Variants in AGO3 observed in about 807,000 individuals in gnomAD.
The protein encoded by AGO3 is protein argonaute-3.
A neutral mutation model predicts 105.5 loss-of-function variants in AGO3; 16 were observed. The observed-to-expected ratio is 0.15, with a 90% CI of 0.10 to 0.23. The LOEUF is 0.23. Ranked by LOEUF, AGO3 falls within the 10% of genes least tolerant of loss-of-function variation. The probability of loss-of-function intolerance (pLI) is 1.00; values close to 1 mark genes in which losing one functional copy is unlikely to be tolerated. For missense variants in AGO3, 534 were observed against 1,088.0 expected (o/e 0.49, Z 7.16); for synonymous variants, 340 against 367.3 (o/e 0.93, Z 0.85).
chr1:35,936,038 A>T (rs1646140180), intron 1 of AGO3, among the ~76,000 whole-genome samples: 1 of 152,182 alleles, frequency 6.6e-6, no homozygotes, highest in Non-Finnish European at 1.5e-5. Flanking sequence ...CATTTACCAG[A>T]CATTCCTACC....
intron 12 of AGO3, among the ~76,000 whole-genome samples, chr1:36,032,683 T>A (rs1222915912): frequency 6.6e-6 from 1 of 152,072 alleles, no homozygotes; most frequent in African/African-American, 2.4e-5. Context: ...CCCATTTTTC[T>A]ATGTTTTTTA....
intron 1 of AGO3, among the ~76,000 whole-genome samples, chr1:35,941,995 G>C (rs1646265691): frequency 6.6e-6 from 1 of 152,100 alleles, no homozygotes; most frequent in African/African-American, 2.4e-5. Context: ...TCATTTTTTA[G>C]ATCAGGAAAC....
intron 17 of AGO3, among the ~76,000 whole-genome samples, chr1:36,051,980 G>A (rs994168742): frequency 6.6e-6 from 1 of 152,152 alleles, no homozygotes; most frequent in Non-Finnish European, 1.5e-5. Flanking sequence ...ATGTACATTA[G>A]TACAGCCATT....
intron 1 of AGO3, among the ~76,000 whole-genome samples, chr1:35,938,395 C>G (rs1030817502): frequency 3.3e-5 from 5 of 152,180 alleles, no homozygotes; most frequent in African/African-American, 1.2e-4. Context: ...ATCCTATCCT[C>G]CAGATGAAAC....
Position 36,034,304 on chromosome 1 carries a change from G to A in AGO3, c.1722G>A (p.Gly574=). The A allele has an allele frequency of 1.2e-6, 2 of 1,605,078 alleles. No individual in the cohort carries two copies. The highest frequency in any genetic ancestry group is 1.3e-5 in the African/African-American group (1 of 74,528). Residue 574 remains glycine (G), a synonymous_variant, in exon 13 of 19, where the codon GGG becomes GGA. Coordinates refer to ENST00000373191, the MANE Select transcript of AGO3 (RefSeq NM_024852.4). The part of the protein sequence containing the change: ...LCLKINVKLG[G]INNILVPHQR... ...TAAAGATAAATGTTAAACTCGGAGG[G>A]ATCAATAATATTCTTGTACCTCATC...
Position 36,055,639 on chromosome 1 carries a change from C to G in AGO3, c.2477C>G (p.Ala826Gly). ...GTTCATTGCCACTTCTCTTACAGTGCTGAAGGAAGTCACGTTTCAGGACAA... is the reference window on the plus strand; with the variant it reads ...GTTCATTGCCACTTCTCTTACAGTGGTGAAGGAAGTCACGTTTCAGGACAA... ...YHLVDKEHDS[A>G]EGSHVSGQSN... is the part of the protein sequence containing the mutation. The change falls in exon 19 of 19, where the codon GCT becomes GGT. Residue 826 changes from alanine to glycine, a missense_variant and splice_region_variant. By Grantham distance (60) the Ala-to-Gly change is moderately conservative (BLOSUM62 0). This residue lies in a region of AGO3 where 373 missense variants were observed against 854.0 expected (regional missense o/e 0.44). Transcript: ENST00000373191. The surrounding 1 kb of genome is among the most constrained non-coding windows in gnomAD (Gnocchi z 4.4). 6.2e-7 allele frequency: 1 copy of G among 1,613,944 alleles called. No homozygotes were observed. The highest frequency in any genetic ancestry group is 2.2e-5 in the East Asian group (1 of 44,880).
chr1:36,001,064 CG>C (rs1557676477), intron 5 of AGO3, among the ~76,000 whole-genome samples: 1 of 151,862 alleles, frequency 6.6e-6, no homozygotes, highest in Non-Finnish European at 1.5e-5. Flanking sequence ...GGTGAAACCC[CG>C]TCTCCACTAA....
chr1:35,985,288 CAAATA>C (rs925705701), intron 5 of AGO3, among the ~76,000 whole-genome samples: 2 of 151,938 alleles, frequency 1.3e-5, no homozygotes, highest in African/African-American at 2.4e-5. Flanking sequence ...TCTCAAAAAA[CAAATA>C]AAATAAAATT....
intron 1 of AGO3, 72 bp downstream of exon 1, chr1:35,931,517 C>T (rs377154855): frequency 9.8e-6 from 13 of 1,320,356 alleles, no homozygotes; most frequent in African/African-American, 3.1e-5. Context: ...CTGCTCCTCC[C>T]GCCCGGCCCA....
chr1:35,955,181 C>T (rs544166282), intron 2 of AGO3, among the ~76,000 whole-genome samples: 10 of 152,214 alleles, frequency 6.6e-5, no homozygotes, highest in South Asian at 2.1e-4. Flanking sequence ...TGAAGAATAT[C>T]GGTATTTAGG....
In AGO3 at chr1:36,057,344, A is replaced by G. The variant is rs1236565716; in HGVS notation, c.*1599A>G. The G allele has an allele frequency of 9.9e-5, 15 of 151,844 alleles. No homozygotes were observed. Among genetic ancestry groups the G allele is most frequent in the Admixed American group, 9.8e-4 (15 of 15,246 alleles). The allele number at this position is 151,844 out of a possible 1,614,324, so 9.4% of individuals were successfully genotyped here. On this transcript the variant is annotated 3_prime_UTR_variant, in exon 19 of 19. Transcript: ENST00000373191. ...TGTGATTTTCATATATTTTTTATAT[A>G]TATATATGTATGTGTGTGTATATAA...
intron 12 of AGO3, among the ~76,000 whole-genome samples, chr1:36,032,263 A>G (rs1004185467): frequency 3.3e-5 from 5 of 152,104 alleles, no homozygotes; most frequent in Admixed American, 6.6e-5. Flanking sequence ...ATGGGTGTGA[A>G]GTGGTATCTC....
chr1:35,997,720 G>A (rs568344043), intron 5 of AGO3, among the ~76,000 whole-genome samples: 32 of 152,270 alleles, frequency 2.1e-4, no homozygotes, highest in Non-Finnish European at 3.1e-4. Context: ...TATTTGAGAC[G>A]TAGTCTCCAT....
At chr1:35,932,825 G>A (rs1042266225) in intron 1 of AGO3, among the ~76,000 whole-genome samples, 3 of 152,122 alleles carry the variant, frequency 2.0e-5, no homozygotes, top group Non-Finnish European at 2.9e-5. Flanking sequence ...GTACATAACT[G>A]TCCTGTTGTC....
At chr1:35,942,410 T>C (rs897762899) in intron 1 of AGO3, among the ~76,000 whole-genome samples, 16 of 152,210 alleles carry the variant, frequency 1.1e-4, no homozygotes, top group Non-Finnish European at 1.9e-4. Context: ...ATAAATTGTA[T>C]TGGGGTGTGT....
At chr1:35,989,840 C>T (rs913261860) in intron 5 of AGO3, among the ~76,000 whole-genome samples, 8 of 151,902 alleles carry the variant, frequency 5.3e-5, no homozygotes, top group Non-Finnish European at 8.8e-5. Context: ...CACCACTATA[C>T]TCCAGCCTGG....
chr1:35,999,614 A>G (rs1031890999), intron 5 of AGO3, among the ~76,000 whole-genome samples: 3 of 152,126 alleles, frequency 2.0e-5, no homozygotes, highest in African/African-American at 7.2e-5. Context: ...CAAATGCCTT[A>G]TGTTTTTTGT....
At position 36,055,648 on chromosome 1, in the gene AGO3, G is replaced by A; in HGVS notation, c.2486G>A (p.Ser829Asn). Residue 829 changes from serine to asparagine, a missense_variant, in exon 19 of 19, where the codon AGT becomes AAT. Transcript: ENST00000373191. The surrounding 1 kb of genome is among the most constrained non-coding windows in gnomAD (Gnocchi z 4.4). ...VDKEHDSAEGSHVSGQSNGRD... is the reference protein window; with the variant it reads ...VDKEHDSAEGNHVSGQSNGRD... Reference sequence around the variant, plus strand: ...CACTTCTCTTACAGTGCTGAAGGAAGTCACGTTTCAGGACAAAGCAATGGG... The same window carrying A: ...CACTTCTCTTACAGTGCTGAAGGAAATCACGTTTCAGGACAAAGCAATGGG... The A allele has an allele frequency of 6.2e-7, 1 of 1,614,178 alleles. No homozygotes were observed. Among genetic ancestry groups the A allele is most frequent in the Non-Finnish European group, 8.5e-7 (1 of 1,180,014 alleles).
chr1:35,935,504 T>G (rs1027465994), intron 1 of AGO3, among the ~76,000 whole-genome samples: 4 of 152,258 alleles, frequency 2.6e-5, no homozygotes, highest in Admixed American at 2.6e-4. Flanking sequence ...TTTGGAGAAT[T>G]GTATGTAATA....
Sources: gnomAD v4.1 joint callset for allele counts (sites outside exome capture counted in the v4.1 genomes callset) on GRCh38, gnomAD v4.1.1 for gene constraint, gnomAD v4.1.1 regional missense constraint, Gnocchi (gnomAD v3.1) non-coding constraint, MANE v1.5 for transcripts, NCBI Gene and HGNC (gene_info 2026-07-23, HGNC 2026-07-21) for gene names.